Variants in FUT9 observed in about 807,000 individuals in gnomAD.
FUT9 encodes fucosyltransferase 9.
In FUT9, 15 loss-of-function variants were observed where a neutral mutation model predicts 29.7. The observed-to-expected ratio is 0.51, with a 90% CI of 0.34 to 0.78. The LOEUF (loss-of-function observed/expected upper bound fraction) is 0.78. Ranked by LOEUF, FUT9 falls within the 30% of genes least tolerant of loss-of-function variation. The probability of loss-of-function intolerance (pLI) is 0.01; values close to 1 mark genes in which losing one functional copy is unlikely to be tolerated. For synonymous variants in FUT9, 169 were observed against 153.7 expected, an observed-to-expected ratio of 1.10 and a Z score of -0.74; for missense variants, 319 against 425.4, an observed-to-expected ratio of 0.75 and a Z score of 2.20.
chr6:96,092,939 T>TAAA (rs1771435901), intron 1 of FUT9, among the ~76,000 whole-genome samples: 4 of 151,924 alleles, frequency 2.6e-5, no homozygotes, highest in African/African-American at 4.8e-5. Context: ...TAAAAAATTT[T>TAAA]AAAAAAATCA....
At chr6:96,193,841 G>A (rs1773566711) in intron 2 of FUT9, among the ~76,000 whole-genome samples, 1 of 152,152 alleles carries the variant, frequency 6.6e-6, no homozygotes, top group Admixed American at 6.5e-5. Context: ...AAGAGAATGT[G>A]GCACATATAC....
intron 2 of FUT9, among the ~76,000 whole-genome samples, chr6:96,197,536 A>T (rs9322736): frequency 0.91 from 138,887 of 152,168 alleles, 64,734 homozygotes; most frequent in Non-Finnish European, 1. Context: ...TTGAAGATCC[A>T]CAGGTTGATC....
rs1773958216 is a variant in FUT9 at position 96,212,545 on chromosome 6, A to T, written c.*8310A>T. ...ATTTTACTTAGAAGGGAAAAAAAAGAACTTTCAGCTTAATCGGGGTTAAGG... is the reference window on the plus strand; with the variant it reads ...ATTTTACTTAGAAGGGAAAAAAAAGTACTTTCAGCTTAATCGGGGTTAAGG... On this transcript the variant is annotated 3_prime_UTR_variant, in exon 3 of 3. Transcript: ENST00000302103. 2 of 402,890 alleles carry T rather than the reference A, an allele frequency of 5.0e-6. No individual in the cohort carries two copies. Among genetic ancestry groups the T allele is most frequent in the Admixed American group, 4.5e-5 (1 of 22,468 alleles). The allele number at this position is 402,890 out of a possible 1,614,324, so 25.0% of individuals were successfully genotyped here. A position where few individuals can be genotyped will look rare whatever the true frequency, so the allele number is the denominator to read the frequency against.
Position 96,150,341 on chromosome 6 carries a change from G to A in FUT9, c.-9+36214G>A, listed in dbSNP as rs146036509. ...TAAAATATGGAAATTAGTGCAGAGC[G>A]TGATGAATCCAGCATTCCGAGGAAA... On this transcript the variant is annotated intron_variant, in intron 2 of 2. Coordinates refer to ENST00000302103, the MANE Select transcript of FUT9 (RefSeq NM_006581.4). Among the ~76,000 whole-genome samples, 11 of 152,258 alleles carry A rather than the reference G, an allele frequency of 7.2e-5. No individual in the cohort carries two copies. The East Asian group carries it at 1.2e-3, about 16-fold the overall frequency.
chr6:96,047,810 A>G (rs2127936503), intron 1 of FUT9, among the ~76,000 whole-genome samples: 1 of 152,344 alleles, frequency 6.6e-6, no homozygotes, highest in African/African-American at 2.4e-5. Flanking sequence ...TCTCTAGGGC[A>G]TCAGTAGATG....
intron 2 of FUT9, among the ~76,000 whole-genome samples, chr6:96,115,065 G>A (rs1241524425): frequency 1.3e-5 from 2 of 152,108 alleles, no homozygotes; most frequent in Non-Finnish European, 1.5e-5. Flanking sequence ...TGCAGGTGGT[G>A]GTGGATAGGT....
chr6:96,088,581 T>C (rs989227273), intron 1 of FUT9, among the ~76,000 whole-genome samples: 11 of 150,964 alleles, frequency 7.3e-5, no homozygotes, highest in Admixed American at 1.3e-4. Flanking sequence ...TGCGCGCGCG[T>C]GCTCCATATT....
intron 2 of FUT9, among the ~76,000 whole-genome samples, chr6:96,176,231 G>T (rs1351668813): frequency 6.6e-6 from 1 of 152,038 alleles, no homozygotes; most frequent in Non-Finnish European, 1.5e-5. Flanking sequence ...ACCTCATACT[G>T]TGGGATTTCA....
At chr6:96,131,233 G>GA (rs1173504144) in intron 2 of FUT9, among the ~76,000 whole-genome samples, 8 of 151,434 alleles carry the variant, frequency 5.3e-5, no homozygotes, top group Admixed American at 1.3e-4. Flanking sequence ...GAAGAAAAGT[G>GA]AAAAAAAATA....
intron 1 of FUT9, among the ~76,000 whole-genome samples, chr6:96,111,795 T>A (rs1171779996): frequency 6.6e-6 from 1 of 152,154 alleles, no homozygotes; most frequent in Admixed American, 6.6e-5. Flanking sequence ...CAAATAGTAA[T>A]ATATATATGT....
At chr6:96,121,651 A>G (rs1772030674) in intron 2 of FUT9, among the ~76,000 whole-genome samples, 1 of 152,112 alleles carries the variant, frequency 6.6e-6, no homozygotes, top group Admixed American at 6.5e-5. Context: ...ACTATATTGT[A>G]TCTCTTCATA....
At chr6:96,196,061 G>T (rs1773618795) in intron 2 of FUT9, among the ~76,000 whole-genome samples, 1 of 152,036 alleles carries the variant, frequency 6.6e-6, no homozygotes, top group East Asian at 1.9e-4. Context: ...ATATTTTGAA[G>T]GATTCAAGAT....
At chr6:96,185,335 A>C (rs1332698099) in intron 2 of FUT9, among the ~76,000 whole-genome samples, 1 of 152,104 alleles carries the variant, frequency 6.6e-6, no homozygotes, top group Non-Finnish European at 1.5e-5. Flanking sequence ...AATGAGATTT[A>C]ATAAATATCA....
intron 2 of FUT9, among the ~76,000 whole-genome samples, chr6:96,152,269 A>G (rs1772691331): frequency 6.6e-6 from 1 of 152,202 alleles, no homozygotes; most frequent in Non-Finnish European, 1.5e-5. Flanking sequence ...TCCAGCCCAG[A>G]CATAATCCCT....
chr6:96,117,023 C>CT (rs1771924695), intron 2 of FUT9, among the ~76,000 whole-genome samples: 1 of 152,088 alleles, frequency 6.6e-6, no homozygotes, highest in African/African-American at 2.4e-5. Context: ...GTGAACCTAA[C>CT]CATCTTACAA....
intron 2 of FUT9, among the ~76,000 whole-genome samples, chr6:96,193,032 C>A (rs1240413637): frequency 1.4e-4 from 21 of 151,134 alleles, no homozygotes; most frequent in Non-Finnish European, 2.2e-4. Context: ...CCCTTCCTTA[C>A]ACTTTATACA....
At chr6:96,158,885 G>A (rs868456580) in intron 2 of FUT9, among the ~76,000 whole-genome samples, 85 of 152,072 alleles carry the variant, frequency 5.6e-4, no homozygotes, top group African/African-American at 2.0e-3. Flanking sequence ...TTTCTGCTGC[G>A]TCCGTGTTGT....
Position 96,204,967 on chromosome 6 carries a change from A to G in FUT9, c.*732A>G, listed in dbSNP as rs973512647. ...TTTCAGCACCTGGGAAGTAATCCCA[A>G]TAATACTTTAGAAAATCTAAGACAG... On this transcript the variant is annotated 3_prime_UTR_variant, in exon 3 of 3. Transcript: ENST00000302103. The G allele has an allele frequency of 6.1e-6, 1 of 162,746 alleles. No individual in the cohort carries two copies. The highest frequency in any genetic ancestry group is 2.4e-5 in the African/African-American group (1 of 41,436). The allele number at this position is 162,746 out of a possible 1,614,324, so 10.1% of individuals were successfully genotyped here. A position where few individuals can be genotyped will look rare whatever the true frequency, so the allele number is the denominator to read the frequency against.
chr6:96,075,342 G>A (rs1771125873), intron 1 of FUT9, among the ~76,000 whole-genome samples: 1 of 151,846 alleles, frequency 6.6e-6, no homozygotes, highest in African/African-American at 2.4e-5. Flanking sequence ...CTTCGACCAG[G>A]GTTTGATACC....
Sources: allele counts gnomAD v4.1 joint callset (sites outside exome capture counted in the v4.1 genomes callset), GRCh38; gene constraint gnomAD v4.1.1; transcripts MANE v1.5; gene names NCBI Gene and HGNC (gene_info 2026-07-23, HGNC 2026-07-21).